The following FAM193A variants were observed in gnomAD, a reference collection of about 807,000 sequenced individuals.
FAM193A encodes family with sequence similarity 193 member A.
FAM193A carries 22 observed loss-of-function variants against 126.5 expected under a neutral mutation model. The ratio of observed to expected loss-of-function variants is 0.17; its 90% CI spans 0.12 to 0.25. The LOEUF (loss-of-function observed/expected upper bound fraction) is 0.25, where lower values mean the gene tolerates loss of function less well. FAM193A is among the 10% of genes least tolerant of loss of function. The probability of loss-of-function intolerance (pLI) is 1.00; values close to 1 mark genes in which losing one functional copy is unlikely to be tolerated. For missense variants in FAM193A, 1,675 were observed against 1,672.8 expected (o/e 1.00, Z -0.02); for synonymous variants, 761 against 646.8 (o/e 1.18, Z -2.68).
chr4:2,727,004 T>TA (rs1300488871), intron 20 of FAM193A, among the ~76,000 whole-genome samples: 1 of 150,604 alleles, frequency 6.6e-6, no homozygotes, highest in Non-Finnish European at 1.5e-5. Flanking sequence ...CTCCTGCCTG[T>TA]AATCCCACTA....
In FAM193A at chr4:2,710,176, T is replaced by C. The variant is rs866885345; in HGVS notation, c.4373-5847T>C. Among the ~76,000 whole-genome samples the C allele has an allele frequency of 1.4e-3, 168 of 122,632 alleles. 1 individual carries two copies. Among genetic ancestry groups the C allele is most frequent in the East Asian group, 2.9e-3 (14 of 4,866 alleles). 80.5% of individuals were successfully genotyped at this position (122,632 alleles called of 152,430 possible). Reference sequence around the variant, plus strand: ...TTCTTCTTTTGTTTTTTTTTTTTTTTCTTTTTTTTTTTTTTTGAGACAGAG... The same window carrying C: ...TTCTTCTTTTGTTTTTTTTTTTTTTCCTTTTTTTTTTTTTTTGAGACAGAG... On this transcript the variant is annotated intron_variant, in intron 19 of 20. Transcript: ENST00000637812.
intron 19 of FAM193A, among the ~76,000 whole-genome samples, chr4:2,714,710 C>T (rs541703562): frequency 2.0e-5 from 3 of 152,232 alleles, no homozygotes; most frequent in Admixed American, 1.3e-4. Flanking sequence ...TGCTATTATG[C>T]GAGTAAAACG....
intron 14 of FAM193A, among the ~76,000 whole-genome samples, chr4:2,690,477 T>G (rs1020155970): frequency 6.6e-6 from 1 of 152,232 alleles, no homozygotes; most frequent in African/African-American, 2.4e-5. Flanking sequence ...TTTAAGACTT[T>G]ACGTAACTTT....
At chr4:2,662,243 A>C (rs2109115182) in intron 10 of FAM193A, among the ~76,000 whole-genome samples, 1 of 152,342 alleles carries the variant, frequency 6.6e-6, no homozygotes, top group Non-Finnish European at 1.5e-5. Context: ...CCTGTTGCTT[A>C]GATGTCTTGC....
chr4:2,570,861 G>A (rs772685312), intron 1 of FAM193A, among the ~76,000 whole-genome samples: 11 of 152,312 alleles, frequency 7.2e-5, no homozygotes, highest in Middle Eastern at 3.4e-3. Flanking sequence ...CCTTACTCAG[G>A]TGGTCATGTA....
At chr4:2,721,485 C>T (rs201840104) in intron 20 of FAM193A, among the ~76,000 whole-genome samples, 2 of 152,078 alleles carry the variant, frequency 1.3e-5, no homozygotes, top group East Asian at 1.9e-4. Context: ...GATCCTTTCT[C>T]CAAAAAAATT....
At chr4:2,537,737 C>T (rs1329578789) in intron 1 of FAM193A, among the ~76,000 whole-genome samples, 1 of 152,190 alleles carries the variant, frequency 6.6e-6, no homozygotes, top group Non-Finnish European at 1.5e-5. Flanking sequence ...CTTTGGTCCT[C>T]CTATGTGGTT....
At chr4:2,574,932 G>A (rs1739499104) in intron 1 of FAM193A, among the ~76,000 whole-genome samples, 1 of 152,146 alleles carries the variant, frequency 6.6e-6, no homozygotes, top group South Asian at 2.1e-4. Flanking sequence ...CCAGCCTTTT[G>A]GGTTCGTGAC....
intron 1 of FAM193A, among the ~76,000 whole-genome samples, chr4:2,575,756 G>A (rs1185520725): frequency 3.3e-5 from 5 of 152,030 alleles, no homozygotes; most frequent in Admixed American, 2.0e-4. Flanking sequence ...GTGAGCCATC[G>A]CGCCCGGCGA....
chr4:2,731,963 TTGC>T lies in FAM193A; in HGVS notation c.*96_*98del, dbSNP rs1322752263. On this transcript the variant is annotated 3_prime_UTR_variant, in exon 21 of 21. Coordinates refer to ENST00000637812, the MANE Select transcript of FAM193A (RefSeq NM_001366318.2). ...CGCTGGCGCCCCAGAGCCGTGGTGC[TTGC>T]CAAGGGCTGTGCGGAGCTGGTGCTG... 1.0e-6 allele frequency: 1 copy of T among 966,126 alleles called. No homozygotes were observed. The highest frequency in any genetic ancestry group is 1.7e-6 in the Non-Finnish European group (1 of 600,972). The allele number at this position is 966,126 out of a possible 1,614,324, so 59.8% of individuals were successfully genotyped here. A position where few individuals can be genotyped will look rare whatever the true frequency, so the allele number is the denominator to read the frequency against.
rs560596104 is a variant in FAM193A, at chr4:2,689,514, G to A, written c.2340G>A (p.Pro780=). 38 of 1,546,924 alleles carry A rather than the reference G, an allele frequency of 2.5e-5. No individual in the cohort carries two copies. Among genetic ancestry groups the A allele is most frequent in the Admixed American group, 7.2e-5 (3 of 41,530 alleles). Residue 780 remains proline, a synonymous_variant, in exon 14 of 21, where the codon CCG becomes CCA. Transcript: ENST00000637812. The part of the protein sequence containing the change: ...TPPFTHSKAL[P]PAPVQNHTNK... ...AAAATTTTTTTTTGTAGGCTTTACC[G>A]CCAGCACCTGTTCAGAATCACACAA...
rs568527689 is a variant in FAM193A, at chr4:2,585,213, C to T, written c.256-10871C>T. On this transcript the variant is annotated intron_variant, in intron 1 of 20. Coordinates refer to ENST00000637812, the MANE Select transcript of FAM193A (RefSeq NM_001366318.2). ...TCTTGTACATGTATTTTGGTGCATACAGGACTTAATATGAGGAAAGATAGA... is the reference window on the plus strand; with the variant it reads ...TCTTGTACATGTATTTTGGTGCATATAGGACTTAATATGAGGAAAGATAGA... Among the ~76,000 whole-genome samples, 3 of 152,284 alleles carry T rather than the reference C, an allele frequency of 2.0e-5. No homozygotes were observed. The East Asian group carries it at 5.8e-4, about 29-fold the overall frequency.
chr4:2,545,982 T>C (rs903780978), intron 1 of FAM193A, among the ~76,000 whole-genome samples: 6 of 152,068 alleles, frequency 3.9e-5, no homozygotes, highest in Admixed American at 2.0e-4. Context: ...ATCGTGTCTC[T>C]ACTAAAAATA....
chr4:2,569,135 A>G (rs846098), intron 1 of FAM193A, among the ~76,000 whole-genome samples: 42,777 of 151,644 alleles, frequency 0.28, 6,368 homozygotes, highest in Middle Eastern at 0.37. Flanking sequence ...GCACCTGGGT[A>G]ATTTTTTTGT....
At chr4:2,609,995 G>A (rs1741768254) in intron 2 of FAM193A, among the ~76,000 whole-genome samples, 1 of 151,504 alleles carries the variant, frequency 6.6e-6, no homozygotes, top group African/African-American at 2.4e-5. Flanking sequence ...ATTTTGGGAG[G>A]CCGAGGCAGA....
At chr4:2,628,973 C>T (rs1398880972) in intron 4 of FAM193A, among the ~76,000 whole-genome samples, 1 of 152,016 alleles carries the variant, frequency 6.6e-6, no homozygotes, top group Non-Finnish European at 1.5e-5. Flanking sequence ...CTGCCTCAGC[C>T]TCGCGAGTAG....
chr4:2,672,513 C>T (rs192788821), intron 13 of FAM193A, 141 bp downstream of exon 13: 16 of 863,972 alleles, frequency 1.9e-5, no homozygotes, highest in Middle Eastern at 4.5e-4. Context: ...CAAGTGTTTC[C>T]TTTCACCATA....
At chr4:2,603,702 G>A (rs1741359679) in intron 2 of FAM193A, among the ~76,000 whole-genome samples, 2 of 151,666 alleles carry the variant, frequency 1.3e-5, no homozygotes, top group South Asian at 4.2e-4. Flanking sequence ...CTCGTGATCT[G>A]CCCACCTTGG....
intron 19 of FAM193A, among the ~76,000 whole-genome samples, chr4:2,710,419 C>T (rs1253033525): frequency 2.6e-5 from 4 of 152,042 alleles, no homozygotes; most frequent in East Asian, 1.9e-4. Context: ...ATGATCCACC[C>T]GCCTTGGCCT....
Sources: gnomAD v4.1 joint callset for allele counts (sites outside exome capture counted in the v4.1 genomes callset) on GRCh38, gnomAD v4.1.1 for gene constraint, MANE v1.5 for transcripts, NCBI Gene and HGNC (gene_info 2026-07-23, HGNC 2026-07-21) for gene names.